MARK2: variants seen among roughly 807,000 people sequenced by gnomAD.
MARK2 encodes the protein microtubule affinity regulating kinase 2.
A neutral mutation model predicts 89.8 loss-of-function variants in MARK2; 16 were observed. The observed-to-expected ratio is 0.18, with a 90% confidence interval of 0.12 to 0.27. The LOEUF (loss-of-function observed/expected upper bound fraction) is 0.27, where lower values mean the gene tolerates loss of function less well. Ranked by LOEUF, MARK2 falls within the 10% of genes least tolerant of loss-of-function variation. The probability of loss-of-function intolerance (pLI) is 1.00; values close to 1 mark genes in which losing one functional copy is unlikely to be tolerated. For missense variants in MARK2, 621 were observed against 1,049.9 expected, an observed-to-expected ratio of 0.59 and a Z score of 5.65; for synonymous variants, 382 against 399.5, an observed-to-expected ratio of 0.96 and a Z score of 0.52.
rs564832570 is a variant in MARK2, at chr11:63,861,330, G to GGAGGCT, written c.54+21776_54+21781dup. Reference sequence around the variant, plus strand: ...GGGCGTCTGTAATCCCAGCTACTCTGGAGGCTGAGGCAGAGAATTGCTTGA... The same window carrying GGAGGCT: ...GGGCGTCTGTAATCCCAGCTACTCTGGAGGCTGAGGCTGAGGCAGAGAATTGCTTGA... On this transcript the variant is annotated intron_variant, in intron 1 of 18. Coordinates refer to ENST00000402010, the MANE Select transcript of MARK2 (RefSeq NM_001039469.3). 1.2e-3 allele frequency among the ~76,000 whole-genome samples: 189 copies of GGAGGCT among 152,266 alleles called. 1 individual carries two copies. Among genetic ancestry groups the GGAGGCT allele is most frequent in the African/African-American group, 4.3e-3 (179 of 41,564 alleles).
intron 1 of MARK2, among the ~76,000 whole-genome samples, chr11:63,885,263 G>A (rs1316714162): frequency 6.6e-6 from 1 of 152,210 alleles, no homozygotes; most frequent in African/African-American, 2.4e-5. Context: ...CTTGTGCTGG[G>A]AATGGTAGCT....
At chr11:63,886,078 G>A (rs562913058) in intron 1 of MARK2, among the ~76,000 whole-genome samples, 2 of 151,420 alleles carry the variant, frequency 1.3e-5, no homozygotes, top group African/African-American at 2.4e-5. Flanking sequence ...GCGGTGAGCC[G>A]AGATTGCGCC....
chr11:63,878,210 CTCT>C (rs1341666984), intron 1 of MARK2, among the ~76,000 whole-genome samples: 5 of 152,128 alleles, frequency 3.3e-5, no homozygotes, highest in Admixed American at 2.0e-4. Flanking sequence ...CCTTAATTAG[CTCT>C]TCTTTTGTGT....
chr11:63,852,354 C>G (rs1265126725), intron 1 of MARK2, among the ~76,000 whole-genome samples: 1 of 151,942 alleles, frequency 6.6e-6, no homozygotes, highest in East Asian at 1.9e-4. Flanking sequence ...TTTTGAAATC[C>G]CAGCATTTTC....
chr11:63,874,472 C>T (rs1480738882), intron 1 of MARK2, among the ~76,000 whole-genome samples: 1 of 152,128 alleles, frequency 6.6e-6, no homozygotes. Flanking sequence ...CCCTCCACTC[C>T]ACCCCCAAAA....
At chr11:63,879,329 C>A (rs1938957985) in intron 1 of MARK2, among the ~76,000 whole-genome samples, 1 of 151,956 alleles carries the variant, frequency 6.6e-6, no homozygotes, top group Admixed American at 6.6e-5. Flanking sequence ...TTTAAAAAAT[C>A]ACATTTTGTG....
intron 1 of MARK2, among the ~76,000 whole-genome samples, chr11:63,889,431 A>G (rs555238014): frequency 6.6e-6 from 1 of 152,382 alleles, no homozygotes; most frequent in Admixed American, 6.5e-5. Flanking sequence ...CCCTGAATGC[A>G]GAGCCCCAAA....
intron 1 of MARK2, among the ~76,000 whole-genome samples, chr11:63,851,602 ACTCT>A (rs1034364607): frequency 2.0e-5 from 3 of 149,776 alleles, no homozygotes; most frequent in African/African-American, 7.4e-5. Flanking sequence ...TCCTTGTTCC[ACTCT>A]CCCTAACCTG....
At chr11:63,840,314 AATC>A (rs1328656400) in intron 1 of MARK2, among the ~76,000 whole-genome samples, 1 of 152,044 alleles carries the variant, frequency 6.6e-6, no homozygotes, top group Admixed American at 6.6e-5. Context: ...TTGGGGTTCC[AATC>A]ATCACTCCCT....
intron 1 of MARK2, among the ~76,000 whole-genome samples, chr11:63,848,927 T>C (rs1197406876): frequency 6.6e-6 from 1 of 152,060 alleles, no homozygotes; most frequent in Non-Finnish European, 1.5e-5. Flanking sequence ...CAGGATGGTC[T>C]CGATCTCCTG....
intron 1 of MARK2, among the ~76,000 whole-genome samples, chr11:63,853,631 C>T (rs868601069): frequency 6.6e-6 from 1 of 152,126 alleles, no homozygotes; most frequent in African/African-American, 2.4e-5. Flanking sequence ...TATCCTGGAA[C>T]AACTTTATTT....
At chr11:63,877,534 A>G (rs1938840371) in intron 1 of MARK2, among the ~76,000 whole-genome samples, 1 of 151,970 alleles carries the variant, frequency 6.6e-6, no homozygotes, top group African/African-American at 2.4e-5. Flanking sequence ...CCCCATCTCT[A>G]CAAAAAATAC....
At chr11:63,880,709 T>C (rs1249277222) in intron 1 of MARK2, among the ~76,000 whole-genome samples, 1 of 152,172 alleles carries the variant, frequency 6.6e-6, no homozygotes, top group East Asian at 1.9e-4. Flanking sequence ...TAGGGCTTGA[T>C]TCAGGGGAGC....
Position 63,902,167 on chromosome 11 carries a change from C to T in MARK2, c.1102-31C>T, listed in dbSNP as rs1565143090. The T allele has an allele frequency of 6.2e-7, 1 of 1,612,780 alleles. No individual in the cohort carries two copies. The highest frequency in any genetic ancestry group is 1.3e-5 in the African/African-American group (1 of 74,990). Reference sequence around the variant, plus strand: ...TAGGGATCTCCACATGACTTCTGCCCTCCCTTGAAGCTGTTTTCTGTTTCT... The same window carrying T: ...TAGGGATCTCCACATGACTTCTGCCTTCCCTTGAAGCTGTTTTCTGTTTCT... On this transcript the variant is annotated intron_variant, in intron 11 of 18. Transcript: ENST00000402010. The surrounding 1 kb of genome is among the most constrained non-coding windows in gnomAD (Gnocchi z 4.2).
At chr11:63,851,653 A>G (rs920254712) in intron 1 of MARK2, among the ~76,000 whole-genome samples, 1 of 152,054 alleles carries the variant, frequency 6.6e-6, no homozygotes, top group Non-Finnish European at 1.5e-5. Flanking sequence ...TCAGGATATG[A>G]ATTTTGATCT....
intron 1 of MARK2, among the ~76,000 whole-genome samples, chr11:63,873,942 C>T (rs1938599254): frequency 6.6e-6 from 1 of 152,254 alleles, no homozygotes; most frequent in Admixed American, 6.5e-5. Context: ...CTACTGTGCC[C>T]AGCCTGAAGA....
chr11:63,901,948 G>T (rs937869788), intron 11 of MARK2, among the ~76,000 whole-genome samples: 1 of 152,020 alleles, frequency 6.6e-6, no homozygotes, highest in Non-Finnish European at 1.5e-5. Context: ...TGTTCTTGCG[G>T]ATGTTTGTGT....
intron 1 of MARK2, among the ~76,000 whole-genome samples, chr11:63,891,359 A>G (rs147978917): frequency 1.3e-4 from 20 of 152,324 alleles, no homozygotes; most frequent in African/African-American, 4.8e-4. Flanking sequence ...CTTAACCAGA[A>G]AGGAAGAGAA....
At chr11:63,890,146 G>A (rs773083485) in intron 1 of MARK2, 4 of 949,146 alleles carry the variant, frequency 4.2e-6, no homozygotes, top group Non-Finnish European at 5.9e-6. Flanking sequence ...CTCACTTGGG[G>A]CCTTGGCCCA....
Sources: gnomAD v4.1 joint callset for allele counts (sites outside exome capture counted in the v4.1 genomes callset) on GRCh38, gnomAD v4.1.1 for gene constraint, Gnocchi (gnomAD v3.1) non-coding constraint, MANE v1.5 for transcripts, NCBI Gene and HGNC (gene_info 2026-07-23, HGNC 2026-07-21) for gene names.